The following PHEX variants were observed in gnomAD, a reference collection of about 807,000 sequenced individuals.
PHEX encodes phosphate regulating endopeptidase X-linked.
PHEX carries 16 observed loss-of-function variants against 68.0 expected under a neutral mutation model. That is an observed-to-expected ratio of 0.24 (90% CI 0.16 to 0.36). The LOEUF is 0.36. PHEX is among the 10% of genes least tolerant of loss of function. PHEX has a pLI of 1.00. For synonymous variants in PHEX, 208 were observed against 205.1 expected, an observed-to-expected ratio of 1.01 and a Z score of -0.12; for missense variants, 480 against 575.5, an observed-to-expected ratio of 0.83 and a Z score of 1.70.
chrX:22,162,379 G>A (rs1046653310), intron 12 of PHEX, among the ~76,000 whole-genome samples: 1 of 112,138 alleles, frequency 8.9e-6, no homozygotes, highest in African/African-American at 3.2e-5. Context: ...TCTGAAACTG[G>A]ACCTATGACT....
chrX:22,129,937 A>G (rs1360626872), intron 11 of PHEX, among the ~76,000 whole-genome samples: 2 of 109,715 alleles, frequency 1.8e-5, no homozygotes, highest in African/African-American at 6.7e-5. Flanking sequence ...CTTCCCACAC[A>G]CTCTTCATCC....
chrX:22,066,544 C>T lies in PHEX; in HGVS notation c.350-9844C>T, dbSNP rs182729476. On this transcript the variant is annotated intron_variant, in intron 3 of 21. Coordinates refer to ENST00000379374, the MANE Select transcript of PHEX (RefSeq NM_000444.6). ...ACTGGTGGGCATGGTAGTTAGTACTCGTTCTACCAGCACTTTTGCCCCTTT... is the reference window on the plus strand; with the variant it reads ...ACTGGTGGGCATGGTAGTTAGTACTTGTTCTACCAGCACTTTTGCCCCTTT... 4.8e-3 allele frequency among the ~76,000 whole-genome samples: 542 copies of T among 112,222 alleles called. 2 individuals are homozygous for T. Among genetic ancestry groups the T allele is most frequent in the African/African-American group, 0.016 (496 of 30,896 alleles).
At chrX:22,098,795 CAAA>C (rs746223770) in intron 8 of PHEX, among the ~76,000 whole-genome samples, 308 of 11,126 alleles carry the variant, frequency 0.028, no homozygotes, top group Non-Finnish European at 0.042. Flanking sequence ...GAGAATGTCT[CAAA>C]AAAAAAAAAA....
At chrX:22,235,635 G>C (rs965316097) in intron 20 of PHEX, among the ~76,000 whole-genome samples, 47 of 111,380 alleles carry the variant, frequency 4.2e-4, no homozygotes, top group African/African-American at 1.4e-3. Context: ...GCCTCCCAAA[G>C]GCCCAACTCC....
intron 1 of PHEX, among the ~76,000 whole-genome samples, chrX:22,037,100 G>GGAAA (rs752843835): frequency 1.1e-4 from 9 of 84,187 alleles, no homozygotes; most frequent in Admixed American, 1.4e-4. Context: ...CTCTTGTCTC[G>GGAAA]AAAAAAAAAA....
intron 12 of PHEX, among the ~76,000 whole-genome samples, chrX:22,134,640 C>CTGAT (rs1932158743): frequency 8.9e-6 from 1 of 112,545 alleles, no homozygotes; most frequent in Non-Finnish European, 1.9e-5. Flanking sequence ...TCCAGAGATT[C>CTGAT]TGATAGAGCT....
chrX:22,238,421 C>T (rs1051766935), intron 20 of PHEX, among the ~76,000 whole-genome samples: 21 of 111,758 alleles, frequency 1.9e-4, no homozygotes, highest in African/African-American at 6.5e-4. Flanking sequence ...CTGCGCATTT[C>T]CCACAGTCTT....
intron 20 of PHEX, among the ~76,000 whole-genome samples, chrX:22,233,336 C>T (rs911637570): frequency 3.6e-5 from 4 of 111,163 alleles, no homozygotes; most frequent in Non-Finnish European, 7.5e-5. Flanking sequence ...TCTGTATTTC[C>T]TGAATTTGAC....
chrX:22,234,988 C>T (rs971117095), intron 20 of PHEX, among the ~76,000 whole-genome samples: 1 of 111,890 alleles, frequency 8.9e-6, no homozygotes, highest in African/African-American at 3.2e-5. Context: ...TCCTCCTGTT[C>T]TGCAGGTTGC....
chrX:22,180,595 A>G (rs1431098216), intron 14 of PHEX, among the ~76,000 whole-genome samples: 1 of 112,149 alleles, frequency 8.9e-6, no homozygotes, highest in Non-Finnish European at 1.9e-5. Context: ...TGGGGTATCC[A>G]TAGCCTCAAG....
rs1460834297 is a variant in PHEX at position 22,250,267 on chromosome X, T to TAAAC, written c.*2316_*2319dup. ...TTCTCTTGGATACCGATTGCTAAGA[T>TAAAC]AAACAGACACTGATTAAGTGGTAGA... is the stretch of plus-strand genomic sequence containing the variant. On this transcript the variant is annotated 3_prime_UTR_variant, in exon 22 of 22. Coordinates refer to ENST00000379374, the MANE Select transcript of PHEX (RefSeq NM_000444.6). The TAAAC allele has an allele frequency of 2.7e-5, 3 of 111,689 alleles. No individual in the cohort carries two copies. The highest frequency in any genetic ancestry group is 5.6e-5 in the Non-Finnish European group (3 of 53,174). 9.2% of individuals were successfully genotyped at this position (111,689 alleles called of 1,213,427 possible).
intron 12 of PHEX, among the ~76,000 whole-genome samples, chrX:22,165,417 T>C (rs1933278813): frequency 9.0e-6 from 1 of 111,548 alleles, no homozygotes; most frequent in Non-Finnish European, 1.9e-5. Flanking sequence ...AAGTACAAAT[T>C]ATACCTCAGA....
chrX:22,109,050 A>C (rs892228733), intron 9 of PHEX, among the ~76,000 whole-genome samples: 8 of 111,888 alleles, frequency 7.2e-5, no homozygotes, highest in African/African-American at 2.3e-4. Context: ...AGTGGCTTAA[A>C]AATTCTTGCA....
chrX:22,129,966 C>A (rs1434256478), intron 11 of PHEX, among the ~76,000 whole-genome samples: 1 of 111,613 alleles, frequency 9.0e-6, no homozygotes, highest in East Asian at 2.8e-4. Flanking sequence ...TGGCTTCTGT[C>A]CCCATCCCTC....
At chrX:22,090,168 G>A (rs1301964574) in intron 5 of PHEX, among the ~76,000 whole-genome samples, 1 of 112,283 alleles carries the variant, frequency 8.9e-6, no homozygotes, top group Non-Finnish European at 1.9e-5. Context: ...AAATAGCCTT[G>A]TTGTTATTCA....
chrX:22,033,170 G>T, intron 1 of PHEX, 47 bp downstream of exon 1: 1 of 934,927 alleles, frequency 1.1e-6, no homozygotes, highest in Non-Finnish European at 1.6e-6. Context: ...GTGTCGAGAA[G>T]TTTCCTTGTG....
intron 18 of PHEX, among the ~76,000 whole-genome samples, chrX:22,222,482 C>G (rs1935301813): frequency 9.0e-6 from 1 of 111,666 alleles, no homozygotes; most frequent in African/African-American, 3.3e-5. Flanking sequence ...TTTCTGAACT[C>G]ATGGATTTGT....
At chrX:22,219,511 G>GAGTT (rs1165482263) in intron 17 of PHEX, among the ~76,000 whole-genome samples, 1 of 112,610 alleles carries the variant, frequency 8.9e-6, no homozygotes, top group Non-Finnish European at 1.9e-5. Flanking sequence ...AGGACTCGTT[G>GAGTT]AGTTAGGACT....
At chrX:22,097,933 A>G (rs925538659) in intron 8 of PHEX, 8 of 174,940 alleles carry the variant, frequency 4.6e-5, no homozygotes, top group South Asian at 3.9e-4. Context: ...ACACCTAGCT[A>G]ATTTTTGTAT....
Sources: gnomAD v4.1 joint callset for allele counts (sites outside exome capture counted in the v4.1 genomes callset) on GRCh38, gnomAD v4.1.1 for gene constraint, MANE v1.5 for transcripts, NCBI Gene and HGNC (gene_info 2026-07-23, HGNC 2026-07-21) for gene names.